The following ANXA6 variants were observed in gnomAD, a reference collection of about 807,000 sequenced individuals.
The protein encoded by ANXA6 is 67 kDa calelectrin.
Under a neutral mutation model 95.4 loss-of-function variants are expected in ANXA6, and 71 were observed. The observed-to-expected ratio is 0.74, with a 90% CI of 0.61 to 0.91. ANXA6 has a LOEUF of 0.91. Among genes scored for constraint, ANXA6 ranks in the 40% least tolerant of loss-of-function variants. The pLI is 0.00. For missense variants in ANXA6, 830 were observed against 876.4 expected (o/e 0.95, Z 0.67); for synonymous variants, 289 against 315.9 (o/e 0.91, Z 0.90).
intron 6 of ANXA6, 47 bp downstream of exon 6, chr5:151,137,184 T>C: frequency 4.6e-6 from 7 of 1,515,298 alleles, no homozygotes; most frequent in Non-Finnish European, 5.5e-6. Flanking sequence ...GCAATCATCC[T>C]CATTTTGTAT....
At chr5:151,154,333 T>TATA (rs1561588333) in intron 1 of ANXA6, among the ~76,000 whole-genome samples, 1 of 132,782 alleles carries the variant, frequency 7.5e-6, no homozygotes, top group Admixed American at 7.6e-5. Flanking sequence ...ATATATATAT[T>TATA]GATCCCATAC....
Position 151,101,399 on chromosome 5 carries a change from T to C in ANXA6, c.*49A>G, listed in dbSNP as rs1764544724. 1.5e-6 allele frequency: 2 copies of C among 1,348,742 alleles called. No individual in the cohort carries two copies. The highest frequency in any genetic ancestry group is 1.2e-5 in the South Asian group (1 of 81,180). The allele number at this position is 1,348,742 out of a possible 1,614,324, so 83.5% of individuals were successfully genotyped here. A position where few individuals can be genotyped will look rare whatever the true frequency, so the allele number is the denominator to read the frequency against. On this transcript the variant is annotated 3_prime_UTR_variant, in exon 26 of 26. Coordinates refer to ENST00000354546, the MANE Select transcript of ANXA6 (RefSeq NM_001155.5). ...AACAATCAGGCTTGGCCATGGCGGC[T>C]GGTGCTGATAACCATTTCTTGGCAG...
At chr5:151,124,654 C>T (rs1169010425) in intron 14 of ANXA6, among the ~76,000 whole-genome samples, 6 of 152,252 alleles carry the variant, frequency 3.9e-5, no homozygotes, top group African/African-American at 1.4e-4. Flanking sequence ...AGGCTCCCGC[C>T]TGCCACGGGA....
At chr5:151,113,546 A>G (rs1764910941) in intron 20 of ANXA6, among the ~76,000 whole-genome samples, 1 of 152,200 alleles carries the variant, frequency 6.6e-6, no homozygotes, top group African/African-American at 2.4e-5. Context: ...AACAGAAAAG[A>G]ATCCAAAGTC....
At chr5:151,111,488 G>A (rs1371173390) in intron 20 of ANXA6, among the ~76,000 whole-genome samples, 1 of 152,186 alleles carries the variant, frequency 6.6e-6, no homozygotes, top group Non-Finnish European at 1.5e-5. Flanking sequence ...AAAGTTAAAA[G>A]GCATATGCCA....
At chr5:151,115,381 G>A (rs547621006) in intron 20 of ANXA6, among the ~76,000 whole-genome samples, 24 of 152,278 alleles carry the variant, frequency 1.6e-4, no homozygotes, top group East Asian at 1.9e-4. Flanking sequence ...AGAAGCAGCC[G>A]AGTTGGGCAG....
At chr5:151,153,148 C>T (rs1343516391) in intron 1 of ANXA6, among the ~76,000 whole-genome samples, 1 of 152,134 alleles carries the variant, frequency 6.6e-6, no homozygotes, top group Non-Finnish European at 1.5e-5. Flanking sequence ...GACTTCTTTG[C>T]CATCACCACT....
intron 23 of ANXA6, among the ~76,000 whole-genome samples, chr5:151,108,024 GATGTGTGT>G (rs1240641570): frequency 1.3e-5 from 2 of 152,042 alleles, no homozygotes; most frequent in Non-Finnish European, 2.9e-5. Flanking sequence ...TTCTGTGTGT[GATGTGTGT>G]ATGTGTGGTG....
chr5:151,146,562 A>G (rs993511139), intron 2 of ANXA6, among the ~76,000 whole-genome samples: 1 of 152,134 alleles, frequency 6.6e-6, no homozygotes, highest in African/African-American at 2.4e-5. Flanking sequence ...GAATTCAACC[A>G]TTCCGTAAGG....
chr5:151,130,613 C>A (rs925025147), intron 11 of ANXA6, among the ~76,000 whole-genome samples: 1 of 152,234 alleles, frequency 6.6e-6, no homozygotes, highest in African/African-American at 2.4e-5. Flanking sequence ...CTCTCTAGGG[C>A]TGAGCTGCCC....
rs538038117 is a variant in ANXA6 at position 151,148,231 on chromosome 5, C to A, written c.-25-305G>T. ...CTAGGCAGGGTACCTGTCTCAGCAC[C>A]GTCTCAGTTACTACTCTCAGAAATC... On this transcript the variant is annotated intron_variant, in intron 1 of 25. Coordinates refer to ENST00000354546, the MANE Select transcript of ANXA6 (RefSeq NM_001155.5). 2.3e-4 allele frequency among the ~76,000 whole-genome samples: 35 copies of A among 152,272 alleles called. 1 individual carries two copies. The South Asian group carries it at 7.0e-3, about 31-fold the overall frequency.
chr5:151,123,242 G>T (rs1224164774), intron 15 of ANXA6, among the ~76,000 whole-genome samples: 2 of 152,194 alleles, frequency 1.3e-5, no homozygotes, highest in African/African-American at 2.4e-5. Context: ...ACAGCTGGGA[G>T]GTAGAGAGCA....
chr5:151,156,916 C>A (rs780174025), intron 1 of ANXA6, among the ~76,000 whole-genome samples: 1 of 152,164 alleles, frequency 6.6e-6, no homozygotes, highest in East Asian at 1.9e-4. Context: ...GGAAAGCCAC[C>A]GCCCAAAGTC....
intron 1 of ANXA6, among the ~76,000 whole-genome samples, chr5:151,154,493 T>A (rs1173371426): frequency 3.3e-5 from 5 of 152,126 alleles, no homozygotes; most frequent in Non-Finnish European, 5.9e-5. Flanking sequence ...CTGGGGTATA[T>A]CCATCCCACT....
intron 20 of ANXA6, among the ~76,000 whole-genome samples, chr5:151,114,201 T>C (rs1234513847): frequency 5.3e-5 from 8 of 152,084 alleles, no homozygotes; most frequent in African/African-American, 2.4e-5. Context: ...TGTTCTAAAA[T>C]TGATTGTGGT....
chr5:151,156,759 G>C (rs777669701), intron 1 of ANXA6, among the ~76,000 whole-genome samples: 3 of 152,140 alleles, frequency 2.0e-5, no homozygotes, highest in Non-Finnish European at 4.4e-5. Context: ...GTTGTGCCAG[G>C]CTTCCCAAAT....
Position 151,131,270 on chromosome 5 carries a change from G to T in ANXA6, c.756C>A (p.Thr252=). The stretch of plus-strand genomic sequence containing the variant: ...AGAGCCTTTCAGCAAAATATTCCGG[G>T]GTGCTCCGGATACACTTCACTGTGA... ...MLAVVKCIRS[T]PEYFAERLFK... Residue 252 remains threonine, a synonymous_variant, in exon 11 of 26, where the codon ACC becomes ACA. Transcript: ENST00000354546. The T allele has an allele frequency of 6.2e-7, 1 of 1,613,884 alleles. No homozygotes were observed. The highest frequency in any genetic ancestry group is 8.5e-7 in the Non-Finnish European group (1 of 1,179,858).
At chr5:151,122,468 A>T (rs971255798) in intron 16 of ANXA6, among the ~76,000 whole-genome samples, 3 of 152,184 alleles carry the variant, frequency 2.0e-5, no homozygotes, top group African/African-American at 7.2e-5. Flanking sequence ...TCTCCTTGAC[A>T]CAGGAGACAG....
At chr5:151,123,051 G>A (rs41290567) in intron 15 of ANXA6, 40 bp from the exon 16 acceptor site, 79,408 of 1,563,998 alleles carry the variant, frequency 0.051, 3,800 homozygotes, top group East Asian at 0.21. Context: ...GAAGGCCTGT[G>A]GCTCTCGGCT....
Sources: allele counts gnomAD v4.1 joint callset (sites outside exome capture counted in the v4.1 genomes callset), GRCh38; gene constraint gnomAD v4.1.1; transcripts MANE v1.5; gene names NCBI Gene and HGNC (gene_info 2026-07-23, HGNC 2026-07-21).